The following TCF20 variants were observed in gnomAD, a reference collection of about 807,000 sequenced individuals.
TCF20 encodes transcription factor 20.
Under a neutral mutation model 148.6 loss-of-function variants are expected in TCF20, and 3 were observed. The observed-to-expected ratio is 0.02, with a 90% CI of 0.01 to 0.05. The LOEUF (loss-of-function observed/expected upper bound fraction) is 0.05, where lower values mean the gene tolerates loss of function less well. Among genes scored for constraint, TCF20 ranks in the 10% least tolerant of loss-of-function variants. TCF20 has a pLI of 1.00. For missense variants in TCF20, 2,350 were observed against 2,429.3 expected (o/e 0.97, Z 0.69); for synonymous variants, 1,049 against 909.5 (o/e 1.15, Z -2.76).
At chr22:42,269,543 C>A (rs1308600666) in intron 1 of TCF20, among the ~76,000 whole-genome samples, 2 of 152,338 alleles carry the variant, frequency 1.3e-5, no homozygotes, top group African/African-American at 2.4e-5. Context: ...TGAGAGGGAT[C>A]GGCCCGATTG....
intron 2 of TCF20, among the ~76,000 whole-genome samples, chr22:42,198,010 T>C (rs1183909586): frequency 6.6e-6 from 1 of 152,172 alleles, no homozygotes; most frequent in Non-Finnish European, 1.5e-5. Context: ...GACCTAGCAG[T>C]TCAACAGCCA....
intron 2 of TCF20, among the ~76,000 whole-genome samples, chr22:42,201,963 G>A (rs555449997): frequency 6.6e-6 from 1 of 152,006 alleles, no homozygotes; most frequent in Non-Finnish European, 1.5e-5. Flanking sequence ...GAGTGTGTTC[G>A]TGTTGGCTGA....
At chr22:42,205,281 G>A (rs1162610829) in intron 2 of TCF20, among the ~76,000 whole-genome samples, 2 of 136,394 alleles carry the variant, frequency 1.5e-5, no homozygotes, top group African/African-American at 5.9e-5. Flanking sequence ...TCCCACACTT[G>A]TGGGAAGGGA....
In TCF20 at chr22:42,197,322, C is replaced by CTTT. The variant is rs546243265; in HGVS notation, c.5655+12326_5655+12328dup. 9.9e-4 allele frequency among the ~76,000 whole-genome samples: 133 copies of CTTT among 134,210 alleles called. 2 individuals carry two copies. Among genetic ancestry groups the CTTT allele is most frequent in the South Asian group, 8.1e-3 (33 of 4,052 alleles). The allele number at this position is 134,210 out of a possible 152,430, so 88.0% of individuals were successfully genotyped here. ...CATCATCTAATTTACAGATGAGAAA[C>CTTT]TTTTTTTTTTTTTTTTTTGAGATGG... On this transcript the variant is annotated intron_variant, in intron 2 of 5. Transcript: ENST00000677622.
intron 2 of TCF20, among the ~76,000 whole-genome samples, chr22:42,208,186 AC>A (rs1312235939): frequency 6.6e-6 from 1 of 152,204 alleles, no homozygotes; most frequent in Non-Finnish European, 1.5e-5. Flanking sequence ...AAAAACAAAA[AC>A]AAAAAATACG....
rs2147203237 is a variant in TCF20, at chr22:42,211,469, T to C, written c.3837A>G (p.Glu1279=). The change falls in exon 2 of 6, where the codon GAA becomes GAG. Residue 1279 remains glutamate, a synonymous_variant. Transcript: ENST00000677622. The part of the protein sequence containing the change: ...QSQDVKNSST[E]DKGRLLHSSK... ...ATGAGTGAAGGAGGCGACCTTTATC[T>C]TCAGTGCTACTGTTCTTTACATCTT... 6.2e-7 allele frequency: 1 copy of C among 1,614,192 alleles called. No homozygotes were observed. The highest frequency in any genetic ancestry group is 8.5e-7 in the Non-Finnish European group (1 of 1,180,030).
chr22:42,281,407 C>T (rs1413646257), intron 1 of TCF20, among the ~76,000 whole-genome samples: 2 of 152,202 alleles, frequency 1.3e-5, no homozygotes, highest in Non-Finnish European at 2.9e-5. Context: ...TTCTCCCTTC[C>T]TCCACAAGTG....
At chr22:42,309,589 C>T (rs931194039) in intron 1 of TCF20, among the ~76,000 whole-genome samples, 2 of 152,166 alleles carry the variant, frequency 1.3e-5, no homozygotes, top group South Asian at 4.2e-4. Context: ...GGCTGCTGCA[C>T]ACCCCAACCG....
At chr22:42,227,504 C>A (rs1046514290) in intron 1 of TCF20, among the ~76,000 whole-genome samples, 27 of 152,134 alleles carry the variant, frequency 1.8e-4, no homozygotes, top group African/African-American at 5.8e-4. Flanking sequence ...TCCTCCATAA[C>A]CAGCATACAA....
chr22:42,339,133 A>G (rs935049264), intron 1 of TCF20, among the ~76,000 whole-genome samples: 3 of 152,190 alleles, frequency 2.0e-5, no homozygotes, highest in Non-Finnish European at 4.4e-5. Context: ...AAAGACACAC[A>G]GCGAAGCCAC....
chr22:42,281,143 G>A (rs56816286), intron 1 of TCF20, among the ~76,000 whole-genome samples: 5,911 of 152,168 alleles, frequency 0.039, 377 homozygotes, highest in African/African-American at 0.13. Flanking sequence ...ACTGCTTCCC[G>A]CCAATTTGGT....
At position 42,297,122 on chromosome 22, in the gene TCF20, A is replaced by C. The variant is rs890691383; in HGVS notation, c.-37+46357T>G. On this transcript the variant is annotated intron_variant, in intron 1 of 1. Transcript: ENST00000515426. This position sits in a 1 kb window ranked among gnomAD's most constrained non-coding sequence, Gnocchi z 4.3. ...AGAACCTGTGTCCCAACCCCTATGC[A>C]CTACTGGTTCAGGCAGGCCTCAGTG... Among the ~76,000 whole-genome samples, 3 of 152,124 alleles carry C rather than the reference A, an allele frequency of 2.0e-5. No homozygotes were observed. Among genetic ancestry groups the C allele is most frequent in the African/African-American group, 7.2e-5 (3 of 41,420 alleles).
chr22:42,282,423 C>T (rs1926921313), intron 1 of TCF20, among the ~76,000 whole-genome samples: 1 of 152,226 alleles, frequency 6.6e-6, no homozygotes. Flanking sequence ...ATGGGCCCGT[C>T]AGAGGAGTCA....
chr22:42,319,302 G>T (rs944581401), intron 1 of TCF20, among the ~76,000 whole-genome samples: 1 of 152,164 alleles, frequency 6.6e-6, no homozygotes, highest in African/African-American at 2.4e-5. Flanking sequence ...CACTCCACAG[G>T]CATGGGGATC....
At chr22:42,161,991 TTTTTTTTTTG>T in intron 5 of TCF20, among the ~76,000 whole-genome samples, 1 of 117,164 alleles carries the variant, frequency 8.5e-6, no homozygotes, top group Non-Finnish European at 1.9e-5. Flanking sequence ...TTTTTTTTTT[TTTTTTTTTTG>T]AGACAGTCTT....
rs1413795765 is a variant in TCF20 at position 42,205,614 on chromosome 22, ACAT to A, written c.5655+4034_5655+4036del. Among the ~76,000 whole-genome samples the A allele has an allele frequency of 4.6e-5, 7 of 152,348 alleles. No individual in the cohort carries two copies. In the East Asian group the frequency reaches 9.6e-4, roughly 21 times the overall value. ...ACTCAAAGTATCCTGGACAATTGAA[ACAT>A]CATCTGTCAAATTAAATAAAAGGCA... On this transcript the variant is annotated intron_variant, in intron 2 of 5. Transcript: ENST00000677622.
chr22:42,334,871 T>G (rs912243489), intron 1 of TCF20, among the ~76,000 whole-genome samples: 2 of 152,124 alleles, frequency 1.3e-5, no homozygotes, highest in African/African-American at 4.8e-5. Context: ...TTTAGTCCTT[T>G]GTGTGAGTTG....
chr22:42,258,271 C>CA (rs1298738872), intron 1 of TCF20, among the ~76,000 whole-genome samples: 1 of 152,004 alleles, frequency 6.6e-6, no homozygotes, highest in African/African-American at 2.4e-5. Flanking sequence ...TACCTCCCCC[C>CA]CCTTCCCTAG....
Position 42,290,021 on chromosome 22 carries a change from T to A in TCF20, c.-37+53458A>T, listed in dbSNP as rs1927104634. ...CGGCGTGTGCAGGCGGCCGGGGCGA[T>A]GTTCCAGGAATATTAATTCTCCACA... On this transcript the variant is annotated intron_variant, in intron 1 of 1. Transcript: ENST00000515426. The surrounding 1 kb of genome is among the most constrained non-coding windows in gnomAD (Gnocchi z 4.2). 6.6e-6 allele frequency among the ~76,000 whole-genome samples: 1 copy of A among 152,208 alleles called. No homozygotes were observed. The highest frequency in any genetic ancestry group is 1.5e-5 in the Non-Finnish European group (1 of 68,030).
Sources: allele counts gnomAD v4.1 joint callset (sites outside exome capture counted in the v4.1 genomes callset), GRCh38; gene constraint gnomAD v4.1.1; non-coding constraint Gnocchi (gnomAD v3.1); transcripts MANE v1.5; gene names NCBI Gene and HGNC (gene_info 2026-07-23, HGNC 2026-07-21).